TTC29: variants seen among roughly 807,000 people sequenced by gnomAD.
The protein encoded by TTC29 is tetratricopeptide repeat protein 29.
TTC29 carries 49 observed loss-of-function variants against 58.1 expected under a neutral mutation model. The observed-to-expected ratio is 0.84, with a 90% CI of 0.67 to 1.07. The LOEUF (loss-of-function observed/expected upper bound fraction) is 1.07, where lower values mean the gene tolerates loss of function less well. Ranked by LOEUF, TTC29 falls within the 50% of genes least tolerant of loss-of-function variation. The pLI is 0.00. For missense variants in TTC29, 582 were observed against 555.6 expected (o/e 1.05, Z -0.48); for synonymous variants, 209 against 196.8 (o/e 1.06, Z -0.52).
intron 7 of TTC29, among the ~76,000 whole-genome samples, chr4:146,870,500 T>C (rs1031399539): frequency 1.3e-5 from 2 of 151,296 alleles, no homozygotes; most frequent in African/African-American, 4.9e-5. Flanking sequence ...TGAGTGGAAA[T>C]GAATAACATA....
intron 11 of TTC29, among the ~76,000 whole-genome samples, chr4:146,792,726 C>A (rs1749556658): frequency 6.6e-6 from 1 of 152,064 alleles, no homozygotes; most frequent in Non-Finnish European, 1.5e-5. Context: ...GCTTTAGCTT[C>A]CATAGGTAGT....
intron 10 of TTC29, among the ~76,000 whole-genome samples, chr4:146,805,960 A>C (rs1052186122): frequency 6.6e-6 from 1 of 152,194 alleles, no homozygotes; most frequent in Non-Finnish European, 1.5e-5. Flanking sequence ...AAATGAAGGA[A>C]ACAATGTTAA....
At chr4:146,812,309 G>A (rs1751078564) in intron 10 of TTC29, among the ~76,000 whole-genome samples, 1 of 152,012 alleles carries the variant, frequency 6.6e-6, no homozygotes, top group Non-Finnish European at 1.5e-5. Context: ...ATTGTTTTAG[G>A]TGAGAGTCTT....
At chr4:146,859,162 T>C (rs969081540) in intron 8 of TTC29, among the ~76,000 whole-genome samples, 2 of 152,092 alleles carry the variant, frequency 1.3e-5, no homozygotes, top group African/African-American at 4.8e-5. Context: ...ATTGCTCTTG[T>C]AGACAAACTG....
At chr4:146,847,192 A>G (rs1308432030) in intron 8 of TTC29, among the ~76,000 whole-genome samples, 4 of 152,226 alleles carry the variant, frequency 2.6e-5, no homozygotes, top group Non-Finnish European at 1.5e-5. Context: ...CAAGTAGGTT[A>G]TAACAACTAG....
At chr4:146,912,983 C>T (rs966347295) in intron 4 of TTC29, among the ~76,000 whole-genome samples, 9 of 151,954 alleles carry the variant, frequency 5.9e-5, no homozygotes, top group African/African-American at 2.2e-4. Context: ...GAGGGGAACA[C>T]GAAAGGATGA....
chr4:146,721,243 C>T (rs1029830976), intron 11 of TTC29, among the ~76,000 whole-genome samples: 1 of 152,080 alleles, frequency 6.6e-6, no homozygotes, highest in African/African-American at 2.4e-5. Context: ...GGTTCCTTAA[C>T]AGCTTAATCG....
chr4:146,886,269 C>T (rs529053458), intron 6 of TTC29, among the ~76,000 whole-genome samples: 1 of 152,172 alleles, frequency 6.6e-6, no homozygotes, highest in East Asian at 1.9e-4. Context: ...TAGGTTACGT[C>T]ACCCACATTT....
intron 11 of TTC29, among the ~76,000 whole-genome samples, chr4:146,728,532 CA>C (rs1311200620): frequency 6.6e-6 from 1 of 151,368 alleles, no homozygotes; most frequent in East Asian, 2.0e-4. Context: ...AGGTCTTCCC[CA>C]TCCATTCTAT....
intron 8 of TTC29, among the ~76,000 whole-genome samples, chr4:146,863,101 G>A (rs1730349133): frequency 6.8e-6 from 1 of 146,094 alleles, no homozygotes; most frequent in African/African-American, 2.6e-5. Flanking sequence ...CAGCCTGGGT[G>A]ACAGAGCCAG....
At chr4:146,859,314 C>A (rs879491542) in intron 8 of TTC29, among the ~76,000 whole-genome samples, 1 of 152,082 alleles carries the variant, frequency 6.6e-6, no homozygotes, top group Admixed American at 6.6e-5. Flanking sequence ...TCTCAGACAT[C>A]CTCTCTCTTG....
At chr4:146,867,950 A>G (rs902375884) in intron 7 of TTC29, among the ~76,000 whole-genome samples, 3 of 152,136 alleles carry the variant, frequency 2.0e-5, no homozygotes, top group Non-Finnish European at 4.4e-5. Flanking sequence ...TCCAGCATGT[A>G]AAGGCTTACA....
At chr4:146,728,754 TATATGTAC>T (rs1483383452) in intron 11 of TTC29, among the ~76,000 whole-genome samples, 99 of 125,668 alleles carry the variant, frequency 7.9e-4, no homozygotes, top group African/African-American at 3.3e-3. Context: ...GTCCAGAGGA[TATATGTAC>T]ATATATATAC....
chr4:146,853,806 T>C (rs1480051142), intron 8 of TTC29, among the ~76,000 whole-genome samples: 1 of 152,158 alleles, frequency 6.6e-6, no homozygotes, highest in Non-Finnish European at 1.5e-5. Context: ...AACTTTATCA[T>C]TCCTATTTTT....
At chr4:146,910,257 T>G (rs1733810992) in intron 4 of TTC29, among the ~76,000 whole-genome samples, 1 of 151,946 alleles carries the variant, frequency 6.6e-6, no homozygotes, top group Non-Finnish European at 1.5e-5. Context: ...AAGCTGTGTA[T>G]ATTAGTATAT....
chr4:146,874,697 A>G lies in TTC29; in HGVS notation c.799+19T>C. On this transcript the variant is annotated intron_variant, in intron 7 of 12. Coordinates refer to ENST00000325106, the MANE Select transcript of TTC29 (RefSeq NM_031956.4). ...TACCCATTAAAGAAAGCAATGTGAGAGAGTTCTTTTCCACCCACCTTCTTT... is the reference window on the plus strand; with the variant it reads ...TACCCATTAAAGAAAGCAATGTGAGGGAGTTCTTTTCCACCCACCTTCTTT... The G allele has an allele frequency of 6.4e-7, 1 of 1,568,556 alleles. No homozygotes were observed. The highest frequency in any genetic ancestry group is 8.7e-7 in the Non-Finnish European group (1 of 1,150,112).
At chr4:146,865,573 T>G (rs1382895278) in intron 8 of TTC29, among the ~76,000 whole-genome samples, 1 of 152,126 alleles carries the variant, frequency 6.6e-6, no homozygotes, top group Non-Finnish European at 1.5e-5. Context: ...ACTATCTGGG[T>G]GACAGGATCA....
At chr4:146,944,017 A>G (rs1736680800) in intron 2 of TTC29, 1 of 152,306 alleles carries the variant, frequency 6.6e-6, no homozygotes, top group South Asian at 2.1e-4. Context: ...TCTCAGGGGA[A>G]AACACACAAG....
chr4:146,891,739 G>C (rs1229999619), intron 6 of TTC29, among the ~76,000 whole-genome samples: 1 of 152,182 alleles, frequency 6.6e-6, no homozygotes, highest in African/African-American at 2.4e-5. Flanking sequence ...GAACCATGCT[G>C]AGGCACAGCC....
Sources: gnomAD v4.1 joint callset for allele counts (sites outside exome capture counted in the v4.1 genomes callset) on GRCh38, gnomAD v4.1.1 for gene constraint, MANE v1.5 for transcripts, NCBI Gene and HGNC (gene_info 2026-07-23, HGNC 2026-07-21) for gene names.